Variants in ADAMTS19 observed in about 807,000 individuals in gnomAD.
ADAMTS19 encodes the protein A disintegrin and metalloproteinase with thrombospondin motifs 19.
In ADAMTS19, 93 loss-of-function variants were observed where a neutral mutation model predicts 153.3. That is an observed-to-expected ratio of 0.61 (90% CI 0.51 to 0.72). The LOEUF is 0.72. Ranked by LOEUF, ADAMTS19 falls within the 30% of genes least tolerant of loss-of-function variation. ADAMTS19 has a pLI of 0.00. For synonymous variants in ADAMTS19, 600 were observed against 556.6 expected (o/e 1.08, Z -1.10); for missense variants, 1,482 against 1,552.1 (o/e 0.95, Z 0.76).
Position 129,684,090 on chromosome 5 carries a change from A to G in ADAMTS19, c.2665-30A>G, listed in dbSNP as rs762615821. The G allele has an allele frequency of 2.5e-6, 4 of 1,599,204 alleles. No homozygotes were observed. In the East Asian group the frequency reaches 9.0e-5, roughly 36 times the overall value. ...CATTGCACGTGCTCTAGTTTGACCCATCTGCCTTGATCATTTTTGTATACT... is the reference window on the plus strand; with the variant it reads ...CATTGCACGTGCTCTAGTTTGACCCGTCTGCCTTGATCATTTTTGTATACT... On this transcript the variant is annotated intron_variant, in intron 17 of 22. Transcript: ENST00000274487.
chr5:129,653,557 CACA>C (rs1275504345), intron 13 of ADAMTS19, among the ~76,000 whole-genome samples: 1 of 152,152 alleles, frequency 6.6e-6, no homozygotes, highest in Non-Finnish European at 1.5e-5. Context: ...AGATATCGTA[CACA>C]ACGACATGGT....
chr5:129,733,364 C>G (rs1056234105), intron 21 of ADAMTS19, among the ~76,000 whole-genome samples: 2 of 151,940 alleles, frequency 1.3e-5, no homozygotes, highest in Non-Finnish European at 2.9e-5. Flanking sequence ...GCAGAGTATA[C>G]AGAAAACTAA....
chr5:129,643,381 A>G (rs1212626229), intron 11 of ADAMTS19, among the ~76,000 whole-genome samples: 3 of 149,648 alleles, frequency 2.0e-5, no homozygotes, highest in Non-Finnish European at 4.4e-5. Context: ...AAAAAAAAAA[A>G]AAAAAGAAAA....
At chr5:129,548,649 C>A (rs1208680134) in intron 6 of ADAMTS19, among the ~76,000 whole-genome samples, 1 of 151,658 alleles carries the variant, frequency 6.6e-6, no homozygotes, top group Non-Finnish European at 1.5e-5. Context: ...CTAGAAATAC[C>A]ATTTGACCCA....
At chr5:129,643,475 C>CT (rs1752919467) in intron 11 of ADAMTS19, among the ~76,000 whole-genome samples, 1 of 150,340 alleles carries the variant, frequency 6.7e-6, no homozygotes, top group Non-Finnish European at 1.5e-5. Context: ...GGATTGATGG[C>CT]TGGGAGTACA....
chr5:129,700,545 C>T (rs1355091536), intron 19 of ADAMTS19, among the ~76,000 whole-genome samples: 3 of 152,142 alleles, frequency 2.0e-5, no homozygotes, highest in African/African-American at 7.2e-5. Flanking sequence ...TCTACAGCCT[C>T]ATTTGAATTG....
intron 14 of ADAMTS19, among the ~76,000 whole-genome samples, chr5:129,658,347 A>AAGAGAGAGAGAGAGAGAGAGAGAGAG (rs1294171239): frequency 3.2e-4 from 37 of 116,056 alleles, no homozygotes; most frequent in East Asian, 2.1e-3. Flanking sequence ...GAAAGAAAGA[A>AAGAGAGAGAGAGAGAGAGAGAGAGAG]AGAAAGAAAG....
intron 2 of ADAMTS19, among the ~76,000 whole-genome samples, chr5:129,469,514 T>A (rs187115273): frequency 6.6e-6 from 1 of 152,188 alleles, no homozygotes. Context: ...TGCTTACCCT[T>A]CTTTTTAGCA....
At chr5:129,511,938 A>C (rs182365559) in intron 3 of ADAMTS19, among the ~76,000 whole-genome samples, 14 of 152,140 alleles carry the variant, frequency 9.2e-5, no homozygotes, top group Admixed American at 7.2e-4. Flanking sequence ...TAATGGGTCA[A>C]GAACATTTCA....
chr5:129,465,314 T>G (rs1396229752), intron 2 of ADAMTS19, among the ~76,000 whole-genome samples: 1 of 151,906 alleles, frequency 6.6e-6, no homozygotes, highest in East Asian at 1.9e-4. Context: ...ATGTTTTTTT[T>G]TTTTTTTTTC....
At chr5:129,573,325 C>T (rs72790613) in intron 7 of ADAMTS19, among the ~76,000 whole-genome samples, 2,742 of 152,142 alleles carry the variant, frequency 0.018, 36 homozygotes, top group Non-Finnish European at 0.029. Context: ...TCCCTTTATT[C>T]CTTTTCCACA....
chr5:129,631,530 T>G (rs892708862), intron 10 of ADAMTS19, among the ~76,000 whole-genome samples: 3 of 152,064 alleles, frequency 2.0e-5, no homozygotes, highest in Non-Finnish European at 4.4e-5. Context: ...TGCAAGACAC[T>G]AATACAGTTA....
At chr5:129,652,190 C>A (rs1260686276) in intron 13 of ADAMTS19, among the ~76,000 whole-genome samples, 2 of 152,108 alleles carry the variant, frequency 1.3e-5, no homozygotes, top group Non-Finnish European at 2.9e-5. Context: ...GATGATTTTG[C>A]AACACGTATC....
At chr5:129,522,326 C>CATAT (rs1561549553) in intron 3 of ADAMTS19, among the ~76,000 whole-genome samples, 5 of 86,556 alleles carry the variant, frequency 5.8e-5, no homozygotes, top group African/African-American at 2.4e-4. Flanking sequence ...TACACACACA[C>CATAT]ACACACATAT....
At chr5:129,736,929 C>A in intron 22 of ADAMTS19, 138 bp from the exon 23 acceptor site, 1 of 714,776 alleles carries the variant, frequency 1.4e-6, no homozygotes, top group East Asian at 3.1e-5. Flanking sequence ...GTATCTCTTT[C>A]TTGTTTAAAT....
chr5:129,737,493 C>A lies in ADAMTS19; in HGVS notation c.*275C>A. ...AAAAGGAAAAAAATAGATCATTATA[C>A]TTAAAACAAGTTTTCGTTGTTTGTT... On this transcript the variant is annotated 3_prime_UTR_variant, in exon 23 of 23. Transcript: ENST00000274487. 1 of 216,170 alleles carries A rather than the reference C, an allele frequency of 4.6e-6. No individual in the cohort carries two copies. Among genetic ancestry groups the A allele is most frequent in the Non-Finnish European group, 9.1e-6 (1 of 110,280 alleles). The allele number at this position is 216,170 out of a possible 1,614,324, so 13.4% of individuals were successfully genotyped here.
rs1753188367 is a variant in ADAMTS19, at chr5:129,648,871, G to A, written c.2077G>A (p.Ala693Thr). The change falls in exon 13 of 23, where the codon GCA becomes ACA. Residue 693 changes from alanine (A) to threonine (T), a missense_variant. By Grantham distance (58) the Ala-to-Thr change is moderately conservative. Transcript: ENST00000274487. ...YRICENPPCP[A>T]GLPGFRDWQC... The stretch of plus-strand genomic sequence containing the variant: ...AATATGTGAGAATCCACCTTGTCCT[G>A]CAGGTTTGCCTGGATTCAGAGACTG... 2 of 1,613,744 alleles carry A rather than the reference G, an allele frequency of 1.2e-6. No homozygotes were observed. The highest frequency in any genetic ancestry group is 1.3e-5 in the African/African-American group (1 of 74,878).
In ADAMTS19 at chr5:129,667,171, C is replaced by G. The variant is rs149737211; in HGVS notation, c.2506+1592C>G. Among the ~76,000 whole-genome samples, 421 of 152,220 alleles carry G rather than the reference C, an allele frequency of 2.8e-3. 1 individual carries two copies. The highest frequency in any genetic ancestry group is 9.1e-3 in the African/African-American group (378 of 41,552). Reference sequence around the variant, plus strand: ...TAAAACTGTTGACTTCTCCTCATTTCATTAAACACTTATAGGACCACTGGA... The same window carrying G: ...TAAAACTGTTGACTTCTCCTCATTTGATTAAACACTTATAGGACCACTGGA... On this transcript the variant is annotated intron_variant, in intron 16 of 22. Transcript: ENST00000274487.
At chr5:129,579,677 G>A (rs6872418) in intron 7 of ADAMTS19, among the ~76,000 whole-genome samples, 13,224 of 152,024 alleles carry the variant, frequency 0.087, 646 homozygotes, top group Middle Eastern at 0.16. Context: ...TCCCAACACC[G>A]TTTATTAAAT....
Sources: gnomAD v4.1 joint callset for allele counts (sites outside exome capture counted in the v4.1 genomes callset) on GRCh38, gnomAD v4.1.1 for gene constraint, MANE v1.5 for transcripts, NCBI Gene and HGNC (gene_info 2026-07-23, HGNC 2026-07-21) for gene names.